Variants in PATJ observed in about 807,000 individuals in gnomAD.
The protein encoded by PATJ is inaD-like protein.
Under a neutral mutation model 224.9 loss-of-function variants are expected in PATJ, and 190 were observed. That is an observed-to-expected ratio of 0.84 (90% CI 0.75 to 0.95). The LOEUF is 0.95. Among genes scored for constraint, PATJ ranks in the 40% least tolerant of loss-of-function variants. PATJ has a pLI of 0.00. For missense variants in PATJ, 2,121 were observed against 2,270.3 expected, an observed-to-expected ratio of 0.93 and a Z score of 1.34; for synonymous variants, 769 against 820.3, an observed-to-expected ratio of 0.94 and a Z score of 1.07.
chr1:61,914,592 T>A lies in PATJ; in HGVS notation c.3498T>A (p.Ile1166=), dbSNP rs1336285146. The part of the protein sequence containing the change: ...VQSLSSTPRV[I]PNVHNKANKI... ...CCCTTTTTTTGTCACCATAGGTCAT[T>A]CCTAACGTACATAACAAGGCCAACA... is the stretch of plus-strand genomic sequence containing the variant. The change falls in exon 26 of 44, where the codon ATT becomes ATA. Residue 1166 remains isoleucine (I), a synonymous_variant. Transcript: ENST00000642238. 1.3e-6 allele frequency: 2 copies of A among 1,521,528 alleles called. No individual in the cohort carries two copies. The highest frequency in any genetic ancestry group is 4.5e-5 in the East Asian group (2 of 44,350). 94.3% of individuals were successfully genotyped at this position (1,521,528 alleles called of 1,614,324 possible). A position where few individuals can be genotyped will look rare whatever the true frequency, so the allele number is the denominator to read the frequency against.
chr1:62,010,461 G>C (rs1646380101), intron 28 of PATJ, among the ~76,000 whole-genome samples: 1 of 150,708 alleles, frequency 6.6e-6, no homozygotes, highest in African/African-American at 2.4e-5. Context: ...CCAGCCTCTG[G>C]TAATCACCAG....
intron 20 of PATJ, among the ~76,000 whole-genome samples, chr1:61,868,110 A>C (rs572542541): frequency 6.6e-6 from 1 of 152,322 alleles, no homozygotes; most frequent in Admixed American, 6.5e-5. Context: ...AAAACACTAA[A>C]GGTCTATAGA....
chr1:62,148,277 T>TC lies in PATJ; in HGVS notation c.5272-3dup. ...AATGAAATACCTTTTTTTCACTTTT[T>TC]CCCCAGGTTGTAGCAGATACCAATA... On this transcript the variant is annotated splice_polypyrimidine_tract_variant and splice_region_variant and intron_variant, in intron 41 of 43. Coordinates refer to ENST00000642238, the MANE Select transcript of PATJ (RefSeq NM_001350145.3). 1 of 1,604,540 alleles carries TC rather than the reference T, an allele frequency of 6.2e-7. No homozygotes were observed. Among genetic ancestry groups the TC allele is most frequent in the Non-Finnish European group, 8.5e-7 (1 of 1,171,502 alleles).
Position 62,018,733 on chromosome 1 carries a change from C to T in PATJ, c.3959+786C>T, listed in dbSNP as rs1283445499. Among the ~76,000 whole-genome samples, 1 of 152,102 alleles carries T rather than the reference C, an allele frequency of 6.6e-6. No individual in the cohort carries two copies. On this transcript the variant is annotated intron_variant, in intron 29 of 43. Transcript: ENST00000642238. The surrounding 1 kb of genome is among the most constrained non-coding windows in gnomAD (Gnocchi z 4.2). The stretch of plus-strand genomic sequence containing the variant: ...TGTGATATTTCAGAAATTGAAAATG[C>T]TCAATACAACATCTAGCATAGAGTA...
chr1:62,113,889 ATATTC>A (rs1664144961), intron 34 of PATJ, among the ~76,000 whole-genome samples, 159 bp from the exon 35 acceptor site: 1 of 152,208 alleles, frequency 6.6e-6, no homozygotes, highest in Non-Finnish European at 1.5e-5. Context: ...CATCTCCTTT[ATATTC>A]AAAGCAGCTC....
intron 21 of PATJ, among the ~76,000 whole-genome samples, chr1:61,880,664 AT>A (rs1363080471): frequency 6.6e-6 from 1 of 152,240 alleles, no homozygotes; most frequent in Non-Finnish European, 1.5e-5. Flanking sequence ...CTATGTTATT[AT>A]TACTCAACCC....
At chr1:61,910,159 C>G (rs1285197723) in intron 25 of PATJ, among the ~76,000 whole-genome samples, 1 of 152,194 alleles carries the variant, frequency 6.6e-6, no homozygotes, top group Middle Eastern at 3.2e-3. Context: ...CCAAATTATA[C>G]TTCCAAATCA....
chr1:61,946,090 A>G (rs1304047351), intron 27 of PATJ, among the ~76,000 whole-genome samples: 3 of 152,238 alleles, frequency 2.0e-5, no homozygotes, highest in Non-Finnish European at 4.4e-5. Flanking sequence ...AATTTATAGC[A>G]CTAAATGCCC....
chr1:62,058,135 A>G lies in PATJ; in HGVS notation c.4125+7077A>G, dbSNP rs141551635. 9.6e-4 allele frequency among the ~76,000 whole-genome samples: 147 copies of G among 152,340 alleles called. 2 individuals carry two copies. Among genetic ancestry groups the G allele is most frequent in the African/African-American group, 3.4e-3 (141 of 41,566 alleles). On this transcript the variant is annotated intron_variant, in intron 31 of 43. Coordinates refer to ENST00000642238, the MANE Select transcript of PATJ (RefSeq NM_001350145.3). ...AAAATGAGAGTATTCCAGTCTACTC[A>G]GGGCAGCATTCTTCTTGGAGTTTCT...
intron 4 of PATJ, among the ~76,000 whole-genome samples, chr1:61,768,419 G>A (rs1041682247): frequency 3.6e-4 from 55 of 151,664 alleles, no homozygotes; most frequent in Admixed American, 1.1e-3. Flanking sequence ...GCAGTGAGCC[G>A]AGATTGCGCC....
chr1:61,956,136 C>T (rs1174646154), intron 27 of PATJ, among the ~76,000 whole-genome samples: 3 of 152,192 alleles, frequency 2.0e-5, no homozygotes, highest in African/African-American at 7.2e-5. Flanking sequence ...ACACGCTGCC[C>T]AGTATGAGCC....
intron 22 of PATJ, among the ~76,000 whole-genome samples, chr1:61,889,774 G>A (rs964806279): frequency 2.0e-5 from 3 of 152,152 alleles, no homozygotes; most frequent in African/African-American, 7.2e-5. Context: ...TAAAACCTAT[G>A]AATTGTTTAT....
chr1:62,085,400 G>C (rs1283323012), intron 33 of PATJ, among the ~76,000 whole-genome samples: 1 of 151,758 alleles, frequency 6.6e-6, no homozygotes, highest in African/African-American at 2.4e-5. Context: ...TCTCCATCTA[G>C]GATGTTGAAT....
At chr1:61,952,229 G>A (rs1679794204) in intron 27 of PATJ, 2 of 482,550 alleles carry the variant, frequency 4.1e-6, no homozygotes, top group Admixed American at 3.6e-5. Flanking sequence ...AGATTGACAG[G>A]TTGCCCTTAA....
chr1:62,112,715 A>G (rs1360876273), intron 34 of PATJ, among the ~76,000 whole-genome samples: 4 of 152,142 alleles, frequency 2.6e-5, no homozygotes, highest in Non-Finnish European at 5.9e-5. Flanking sequence ...CCTAGCTGCA[A>G]CCTTGAGGGA....
chr1:61,879,556 G>A (rs58508468), intron 21 of PATJ, among the ~76,000 whole-genome samples: 4,979 of 151,926 alleles, frequency 0.033, 263 homozygotes, highest in African/African-American at 0.11. Flanking sequence ...AGAGTTCTCC[G>A]GTATGGTGAG....
At chr1:61,791,507 T>C in intron 9 of PATJ, 60 bp downstream of exon 9, 1 of 1,061,030 alleles carries the variant, frequency 9.4e-7, no homozygotes, top group Non-Finnish European at 1.4e-6. Context: ...GGTTTCTAGA[T>C]AGTGAAATTA....
intron 6 of PATJ, among the ~76,000 whole-genome samples, chr1:61,772,780 G>A (rs1429178449): frequency 1.3e-5 from 2 of 152,140 alleles, no homozygotes; most frequent in African/African-American, 4.8e-5. Context: ...TATCCTAGTG[G>A]TGTCACACCA....
At chr1:61,858,271 T>C (rs1055233330) in intron 18 of PATJ, among the ~76,000 whole-genome samples, 1 of 152,046 alleles carries the variant, frequency 6.6e-6, no homozygotes, top group African/African-American at 2.4e-5. Context: ...CATACTTTTT[T>C]TTCTTTTTGG....
Sources: gnomAD v4.1 joint callset for allele counts (sites outside exome capture counted in the v4.1 genomes callset) on GRCh38, gnomAD v4.1.1 for gene constraint, Gnocchi (gnomAD v3.1) non-coding constraint, MANE v1.5 for transcripts, NCBI Gene and HGNC (gene_info 2026-07-23, HGNC 2026-07-21) for gene names.